The following SMYD3 variants were observed in gnomAD, a reference collection of about 807,000 sequenced individuals.
SMYD3 encodes SET and MYND domain containing 3, also known as histone-lysine N-methyltransferase SMYD3.
Under a neutral mutation model 57.7 loss-of-function variants are expected in SMYD3, and 36 were observed. The observed-to-expected ratio is 0.62, with a 90% CI of 0.48 to 0.82. The LOEUF (loss-of-function observed/expected upper bound fraction) is 0.82. SMYD3 is among the 40% of genes least tolerant of loss of function. The probability of loss-of-function intolerance (pLI) is 0.00; values close to 1 mark genes in which losing one functional copy is unlikely to be tolerated. For synonymous variants in SMYD3, 211 were observed against 195.0 expected (o/e 1.08, Z -0.68); for missense variants, 515 against 538.8 (o/e 0.96, Z 0.44).
chr1:246,147,446 T>G (rs6692380), intron 5 of SMYD3, among the ~76,000 whole-genome samples: 14,452 of 152,088 alleles, frequency 0.095, 925 homozygotes, highest in East Asian at 0.28. Context: ...TGCTCGGTGG[T>G]TGTAATTCCA....
chr1:245,910,426 TGAAAA>T (rs1368555375), intron 8 of SMYD3, among the ~76,000 whole-genome samples: 2 of 151,894 alleles, frequency 1.3e-5, no homozygotes, highest in Non-Finnish European at 2.9e-5. Context: ...ACTCTGCACA[TGAAAA>T]GAAAAAGGCA....
chr1:245,842,693 C>T (rs1045977607), intron 10 of SMYD3, among the ~76,000 whole-genome samples: 12 of 152,064 alleles, frequency 7.9e-5, no homozygotes, highest in Admixed American at 5.2e-4. Flanking sequence ...AAAAGTTCCA[C>T]GTTTTATATT....
chr1:245,997,059 C>T (rs773516571), intron 5 of SMYD3, among the ~76,000 whole-genome samples: 5 of 152,230 alleles, frequency 3.3e-5, no homozygotes, highest in Non-Finnish European at 7.3e-5. Context: ...GCAGGTGCCT[C>T]GCAGTCTGCT....
At chr1:245,806,732 A>C (rs1252318625) in intron 10 of SMYD3, among the ~76,000 whole-genome samples, 1 of 151,124 alleles carries the variant, frequency 6.6e-6, no homozygotes, top group East Asian at 2.0e-4. Flanking sequence ...AACAAGGTGA[A>C]ACCCCGTCTC....
At chr1:246,295,034 A>G (rs1302547432) in intron 5 of SMYD3, among the ~76,000 whole-genome samples, 2 of 152,224 alleles carry the variant, frequency 1.3e-5, no homozygotes, top group Non-Finnish European at 2.9e-5. Flanking sequence ...TCTGTTATTC[A>G]CTGTGAATAA....
At chr1:246,360,879 A>G (rs1293242209) in intron 1 of SMYD3, among the ~76,000 whole-genome samples, 1 of 152,224 alleles carries the variant, frequency 6.6e-6, no homozygotes, top group Non-Finnish European at 1.5e-5. Context: ...CTTTCTAGAC[A>G]TTGGCTTAGG....
chr1:246,038,248 T>C (rs760008337), intron 5 of SMYD3, among the ~76,000 whole-genome samples: 7 of 152,222 alleles, frequency 4.6e-5, no homozygotes, highest in Non-Finnish European at 1.0e-4. Context: ...CCGTAATTTA[T>C]GGCTTCTAGT....
At chr1:246,360,384 G>A (rs2065969460) in intron 1 of SMYD3, among the ~76,000 whole-genome samples, 1 of 151,878 alleles carries the variant, frequency 6.6e-6, no homozygotes, top group Admixed American at 6.6e-5. Flanking sequence ...ATTGCCAAAA[G>A]CAATCTACAA....
intron 5 of SMYD3, among the ~76,000 whole-genome samples, chr1:246,194,821 G>A (rs112555676): frequency 0.015 from 2,346 of 152,206 alleles, 68 homozygotes; most frequent in African/African-American, 0.051. Context: ...GAAATTCTAC[G>A]GCACAACAAT....
chr1:246,281,847 A>G (rs2064449051), intron 5 of SMYD3, among the ~76,000 whole-genome samples: 1 of 152,196 alleles, frequency 6.6e-6, no homozygotes, highest in African/African-American at 2.4e-5. Flanking sequence ...ACAGAATGCT[A>G]TGTCAATACA....
chr1:245,808,135 G>A (rs983799162), intron 10 of SMYD3, among the ~76,000 whole-genome samples: 1 of 152,182 alleles, frequency 6.6e-6, no homozygotes, highest in Non-Finnish European at 1.5e-5. Context: ...ACATTTTCAT[G>A]ATATGCTAAT....
intron 1 of SMYD3, chr1:246,483,894 A>G (rs943091000): frequency 6.6e-6 from 1 of 152,212 alleles, no homozygotes; most frequent in Non-Finnish European, 1.5e-5. Context: ...CTTTTTCACA[A>G]TTGTAACAGA....
In SMYD3 at chr1:245,858,663, C is replaced by T; in HGVS notation, c.909G>A (p.Glu303=). Residue 303 remains glutamate (E), a synonymous_variant, in exon 10 of 12, where the codon GAG becomes GAA. Transcript: ENST00000490107. ...IEELKAHWKW[E]QVLAMCQAII... is the part of the protein sequence containing the mutation. ...TTGCCTGGCACATGGCCAGAACCTGCTCCCACTCTGTTATTAACCTTAGTT... is the reference window on the plus strand; with the variant it reads ...TTGCCTGGCACATGGCCAGAACCTGTTCCCACTCTGTTATTAACCTTAGTT... The T allele has an allele frequency of 6.2e-7, 1 of 1,613,522 alleles. No individual in the cohort carries two copies. The highest frequency in any genetic ancestry group is 8.5e-7 in the Non-Finnish European group (1 of 1,179,802).
chr1:246,452,200 A>C (rs748736689), intron 1 of SMYD3, among the ~76,000 whole-genome samples: 22 of 152,216 alleles, frequency 1.4e-4, no homozygotes, highest in Admixed American at 2.0e-4. Context: ...ACACATTAAA[A>C]ATTACTGTCA....
intron 5 of SMYD3, among the ~76,000 whole-genome samples, chr1:246,032,740 C>T (rs1176641714): frequency 6.6e-6 from 1 of 152,102 alleles, no homozygotes; most frequent in African/African-American, 2.4e-5. Flanking sequence ...GATTCAAGGT[C>T]AGGTGAAAAC....
rs2046536005 is a variant in SMYD3, at chr1:245,775,352, G to T, written c.1077-11203C>A. Among the ~76,000 whole-genome samples the T allele has an allele frequency of 2.0e-5, 3 of 152,304 alleles. No individual in the cohort carries two copies. In the South Asian group the frequency reaches 6.2e-4, roughly 32 times the overall value. Reference sequence around the variant, plus strand: ...TAGAAAGTAGACATGGGAGACTCCAGTTTGTTCTGTACTAAGAAAAATTCT... The same window carrying T: ...TAGAAAGTAGACATGGGAGACTCCATTTTGTTCTGTACTAAGAAAAATTCT... On this transcript the variant is annotated intron_variant, in intron 10 of 11. Coordinates refer to ENST00000490107, the MANE Select transcript of SMYD3 (RefSeq NM_001167740.2).
intron 8 of SMYD3, among the ~76,000 whole-genome samples, chr1:245,893,034 AC>A (rs1359218284): frequency 2.0e-5 from 3 of 152,240 alleles, no homozygotes; most frequent in Non-Finnish European, 2.9e-5. Context: ...GTAAGAAAAC[AC>A]CCAATTTTTA....
At chr1:246,230,714 T>G (rs143394175) in intron 5 of SMYD3, among the ~76,000 whole-genome samples, 2 of 152,250 alleles carry the variant, frequency 1.3e-5, no homozygotes, top group African/African-American at 4.8e-5. Context: ...AACTGTCCTA[T>G]AGAACTTTCT....
intron 5 of SMYD3, among the ~76,000 whole-genome samples, chr1:246,272,591 G>C (rs765186233): frequency 3.3e-5 from 5 of 152,088 alleles, no homozygotes; most frequent in Non-Finnish European, 7.4e-5. Context: ...TACACTGATT[G>C]ATTTTCACAT....
Sources: gnomAD v4.1 joint callset for allele counts (sites outside exome capture counted in the v4.1 genomes callset) on GRCh38, gnomAD v4.1.1 for gene constraint, MANE v1.5 for transcripts, NCBI Gene and HGNC (gene_info 2026-07-23, HGNC 2026-07-21) for gene names.